PCCA: variants seen among roughly 807,000 people sequenced by gnomAD.
The protein encoded by PCCA is propionyl-CoA carboxylase alpha chain, mitochondrial.
In PCCA, 74 loss-of-function variants were observed where a neutral mutation model predicts 101.3. That is an observed-to-expected ratio of 0.73 (90% CI 0.61 to 0.89). The LOEUF is 0.89. Among genes scored for constraint, PCCA ranks in the 40% least tolerant of loss-of-function variants. The pLI, the probability that PCCA is intolerant of heterozygous loss-of-function variation, is 0.00. For synonymous variants in PCCA, 294 were observed against 313.6 expected (o/e 0.94, Z 0.66); for missense variants, 891 against 907.0 (o/e 0.98, Z 0.23).
intron 20 of PCCA, among the ~76,000 whole-genome samples, chr13:100,441,953 T>C (rs930464842): frequency 6.6e-6 from 1 of 151,964 alleles, no homozygotes; most frequent in African/African-American, 2.4e-5. Context: ...TTTATTTCTG[T>C]TTTTCTTTAC....
chr13:100,364,304 A>AT (rs2074947447), intron 18 of PCCA, among the ~76,000 whole-genome samples: 2 of 152,214 alleles, frequency 1.3e-5, no homozygotes, highest in African/African-American at 4.8e-5. Context: ...CTTTGAGACT[A>AT]TTTTGAATTT....
intron 6 of PCCA, among the ~76,000 whole-genome samples, chr13:100,180,812 A>G (rs2056728532): frequency 6.6e-6 from 1 of 152,222 alleles, no homozygotes; most frequent in Admixed American, 6.5e-5. Flanking sequence ...CAAATACTCA[A>G]ATTCCAGTGA....
intron 19 of PCCA, among the ~76,000 whole-genome samples, chr13:100,383,895 C>T (rs148493087): frequency 5.9e-5 from 9 of 152,104 alleles, no homozygotes; most frequent in East Asian, 5.8e-4. Context: ...CATTGTTTGA[C>T]GTTTTCCTTC....
intron 16 of PCCA, among the ~76,000 whole-genome samples, chr13:100,321,104 C>T (rs1289929502): frequency 6.6e-6 from 1 of 152,156 alleles, no homozygotes; most frequent in African/African-American, 2.4e-5. Context: ...TGTTTTCCTT[C>T]CCAGCCAGGA....
At chr13:100,339,948 T>G (rs906062604) in intron 17 of PCCA, among the ~76,000 whole-genome samples, 1 of 152,206 alleles carries the variant, frequency 6.6e-6, no homozygotes, top group African/African-American at 2.4e-5. Flanking sequence ...TCTTTCCCAA[T>G]ATAAACTTCC....
At chr13:100,299,114 G>T (rs753209539) in intron 12 of PCCA, among the ~76,000 whole-genome samples, 3 of 152,094 alleles carry the variant, frequency 2.0e-5, no homozygotes, top group Non-Finnish European at 2.9e-5. Flanking sequence ...TGTTAGTAAG[G>T]ATTTTACCTT....
chr13:100,151,018 G>A (rs1288237408), intron 4 of PCCA: 1 of 1,546,766 alleles, frequency 6.5e-7, no homozygotes, highest in Non-Finnish European at 8.9e-7. Context: ...ACTGCCAGCA[G>A]CGGACCCTCA....
intron 12 of PCCA, among the ~76,000 whole-genome samples, chr13:100,285,242 A>C (rs2064509350): frequency 6.6e-6 from 1 of 152,180 alleles, no homozygotes; most frequent in African/African-American, 2.4e-5. Flanking sequence ...CTAATCAAGG[A>C]CACCCAGAGG....
intron 8 of PCCA, among the ~76,000 whole-genome samples, chr13:100,246,812 A>T (rs761641342): frequency 1.3e-5 from 2 of 152,002 alleles, no homozygotes; most frequent in Non-Finnish European, 2.9e-5. Context: ...TCCTGAAAAG[A>T]GTGTATATTC....
intron 14 of PCCA, 79 bp from the exon 15 acceptor site, chr13:100,307,113 C>A: frequency 1.1e-6 from 1 of 900,610 alleles, no homozygotes. Flanking sequence ...CCATTTTCTC[C>A]ATGGAAATGA....
At chr13:100,478,216 G>T (rs2083575717) in intron 21 of PCCA, among the ~76,000 whole-genome samples, 1 of 152,126 alleles carries the variant, frequency 6.6e-6, no homozygotes, top group African/African-American at 2.4e-5. Context: ...CAACAACCTA[G>T]TCTTGTCTCC....
At chr13:100,403,000 A>ATTTTT (rs752322601) in intron 19 of PCCA, among the ~76,000 whole-genome samples, 1 of 144,630 alleles carries the variant, frequency 6.9e-6, no homozygotes, top group East Asian at 2.0e-4. Context: ...GGAGAACTTA[A>ATTTTT]TTTTTTTTTT....
intron 11 of PCCA, 47 bp from the exon 12 acceptor site, chr13:100,273,149 C>G (rs757832921): frequency 6.7e-7 from 1 of 1,495,158 alleles, no homozygotes; most frequent in South Asian, 1.1e-5. Flanking sequence ...CAAAAGATAA[C>G]TTGATTTTTG....
intron 21 of PCCA, among the ~76,000 whole-genome samples, chr13:100,506,779 AG>A (rs1442572869): frequency 8.5e-5 from 13 of 152,132 alleles, no homozygotes; most frequent in African/African-American, 3.1e-4. Flanking sequence ...AGATAGGAGG[AG>A]AAAAAGGAAG....
At chr13:100,198,794 C>T (rs889745004) in intron 6 of PCCA, among the ~76,000 whole-genome samples, 16 of 152,064 alleles carry the variant, frequency 1.1e-4, no homozygotes, top group African/African-American at 3.6e-4. Flanking sequence ...CCACCACACC[C>T]GGTCTGCAGT....
intron 19 of PCCA, among the ~76,000 whole-genome samples, chr13:100,407,613 T>C (rs1319763269): frequency 6.6e-6 from 1 of 152,214 alleles, no homozygotes; most frequent in Non-Finnish European, 1.5e-5. Context: ...AGTCAATATG[T>C]TCACATAGAG....
At chr13:100,411,392 T>G (rs993070359) in intron 19 of PCCA, among the ~76,000 whole-genome samples, 7 of 152,152 alleles carry the variant, frequency 4.6e-5, no homozygotes, top group Non-Finnish European at 5.9e-5. Context: ...GCTAATTTTT[T>G]GTATTTTTAA....
At chr13:100,309,581 T>TA (rs1221216914) in intron 15 of PCCA, among the ~76,000 whole-genome samples, 14 of 152,190 alleles carry the variant, frequency 9.2e-5, no homozygotes, top group Admixed American at 7.9e-4. Flanking sequence ...TTACTTTTGT[T>TA]ACGTTTTTGT....
intron 6 of PCCA, among the ~76,000 whole-genome samples, chr13:100,174,102 G>A (rs565821688): frequency 6.6e-5 from 10 of 151,924 alleles, no homozygotes; most frequent in Admixed American, 1.3e-4. Flanking sequence ...TATGAAAAGC[G>A]GTTTCACATG....
Sources: allele counts gnomAD v4.1 joint callset (sites outside exome capture counted in the v4.1 genomes callset), GRCh38; gene constraint gnomAD v4.1.1; transcripts MANE v1.5; gene names NCBI Gene and HGNC (gene_info 2026-07-23, HGNC 2026-07-21).